Variants in NQO2 observed in about 807,000 individuals in gnomAD.
The protein encoded by NQO2 is N-ribosyldihydronicotinamide:quinone dehydrogenase 2.
A neutral mutation model predicts 22.0 loss-of-function variants in NQO2; 18 were observed. The observed-to-expected ratio is 0.82, with a 90% CI of 0.56 to 1.21. The LOEUF is 1.21. NQO2 is among the 50% of genes most tolerant of loss of function. NQO2 has a pLI of 0.00. For synonymous variants in NQO2, 106 were observed against 110.8 expected (o/e 0.96, Z 0.28); for missense variants, 267 against 286.9 (o/e 0.93, Z 0.50).
intron 2 of NQO2, among the ~76,000 whole-genome samples, chr6:3,007,581 T>C (rs550356779): frequency 5.5e-4 from 84 of 152,322 alleles, no homozygotes; most frequent in African/African-American, 1.8e-3. Flanking sequence ...GTAAATTTAA[T>C]TAAGCAAATC....
At chr6:3,011,075 T>G (rs1757118741) in intron 3 of NQO2, among the ~76,000 whole-genome samples, 1 of 151,836 alleles carries the variant, frequency 6.6e-6, no homozygotes, top group African/African-American at 2.4e-5. Flanking sequence ...GAAACAACAG[T>G]AAACAGGGAA....
chr6:3,016,267 C>T (rs1331877728), intron 5 of NQO2, among the ~76,000 whole-genome samples: 1 of 151,796 alleles, frequency 6.6e-6, no homozygotes, highest in Non-Finnish European at 1.5e-5. Context: ...CCCATCTCTA[C>T]TAAAAATACA....
At chr6:3,011,490 C>G (rs1182129601) in intron 3 of NQO2, among the ~76,000 whole-genome samples, 1 of 152,062 alleles carries the variant, frequency 6.6e-6, no homozygotes, top group Non-Finnish European at 1.5e-5. Flanking sequence ...ATGATTGGTG[C>G]TTAAGAGGAA....
At chr6:3,005,880 C>T (rs1581321009) in intron 1 of NQO2, 1 of 870,346 alleles carries the variant, frequency 1.1e-6, no homozygotes, top group Non-Finnish European at 1.4e-6. Context: ...GGGCCCACAG[C>T]TACAATGGGC....
chr6:3,011,308 C>T (rs2326108), intron 3 of NQO2, among the ~76,000 whole-genome samples: 29,294 of 152,084 alleles, frequency 0.19, 3,007 homozygotes, highest in Non-Finnish European at 0.22. Flanking sequence ...ACTAGAAATA[C>T]ATTTGCTGAA....
At chr6:3,019,352 A>G in intron 6 of NQO2, 127 bp from the exon 7 acceptor site, 1 of 1,421,242 alleles carries the variant, frequency 7.0e-7, no homozygotes, top group Admixed American at 2.5e-5. Flanking sequence ...GTTGCCTGTA[A>G]CATTAAGGTT....
intron 2 of NQO2, chr6:3,007,039 A>T (rs111345172): frequency 2.5e-6 from 1 of 396,184 alleles, no homozygotes; most frequent in Non-Finnish European, 4.4e-6. Flanking sequence ...TAACGATATA[A>T]CATGGAGAGC....
At chr6:3,017,051 C>G in intron 6 of NQO2, 66 bp downstream of exon 6, 1 of 1,554,990 alleles carries the variant, frequency 6.4e-7, no homozygotes, top group Non-Finnish European at 8.7e-7. Flanking sequence ...CACATGCACA[C>G]ATGCATACAC....
intron 1 of NQO2, among the ~76,000 whole-genome samples, chr6:3,002,469 C>T (rs570834462): frequency 1.3e-5 from 2 of 152,150 alleles, no homozygotes; most frequent in South Asian, 2.1e-4. Flanking sequence ...CCACCATACC[C>T]GGATAATTTT....
rs761904146 is a variant in NQO2, at chr6:3,019,705, G to T, written c.*50G>T. The T allele has an allele frequency of 1.4e-5, 20 of 1,454,992 alleles. No homozygotes were observed. Among genetic ancestry groups the T allele is most frequent in the South Asian group, 8.0e-5 (6 of 75,046 alleles). The allele number at this position is 1,454,992 out of a possible 1,614,324, so 90.1% of individuals were successfully genotyped here. On this transcript the variant is annotated 3_prime_UTR_variant, in exon 7 of 7. Transcript: ENST00000380455. Reference sequence around the variant, plus strand: ...AAGCAGCACACTAGGAGGCCCAGGCGCAGGCAAAGAGAAGATGGTGCTGTC... The same window carrying T: ...AAGCAGCACACTAGGAGGCCCAGGCTCAGGCAAAGAGAAGATGGTGCTGTC...
At chr6:3,014,516 C>T (rs1386903056) in intron 4 of NQO2, among the ~76,000 whole-genome samples, 4 of 152,180 alleles carry the variant, frequency 2.6e-5, no homozygotes, top group East Asian at 3.9e-4. Context: ...CTTTCCTCCT[C>T]GCACCCACTC....
intron 5 of NQO2, 59 bp downstream of exon 5, chr6:3,015,702 G>A (rs1296185730): frequency 2.1e-5 from 31 of 1,474,376 alleles, no homozygotes; most frequent in African/African-American, 7.0e-5. Flanking sequence ...CAGAGGATGC[G>A]TCTTCTATCA....
At position 3,010,328 on chromosome 6, in the gene NQO2, G is replaced by T. The variant is rs566511551; in HGVS notation, c.172+139G>T. ...TCCAAAAACAAATAGATAGCACTGG[G>T]ATTATCACCAGCAGTATCCCAGAAG... is the stretch of plus-strand genomic sequence containing the variant. On this transcript the variant is annotated intron_variant, in intron 3 of 6. Coordinates refer to ENST00000380455, the MANE Select transcript of NQO2 (RefSeq NM_000904.6). 4 of 667,060 alleles carry T rather than the reference G, an allele frequency of 6.0e-6. No individual in the cohort carries two copies. The East Asian group carries it at 1.1e-4, about 19-fold the overall frequency. The allele number at this position is 667,060 out of a possible 1,614,324, so 41.3% of individuals were successfully genotyped here.
At position 3,015,366 on chromosome 6, in the gene NQO2, C is replaced by A. The variant is rs574401434; in HGVS notation, c.304-164C>A. 3.0e-6 allele frequency: 3 copies of A among 985,440 alleles called. No homozygotes were observed. In the South Asian group the frequency reaches 1.4e-4, roughly 46 times the overall value. The allele number at this position is 985,440 out of a possible 1,614,324, so 61.0% of individuals were successfully genotyped here. On this transcript the variant is annotated intron_variant, in intron 4 of 6. Coordinates refer to ENST00000380455, the MANE Select transcript of NQO2 (RefSeq NM_000904.6). ...TTGTCAACTCCGTTCCCGTCTGACA[C>A]CCACACTGCACCTTTCAGAGCTGAC...
Position 3,002,060 on chromosome 6 carries a change from A to G in NQO2, c.-86+1975A>G, listed in dbSNP as rs28383597. 196 of 216,532 alleles carry G rather than the reference A, an allele frequency of 9.1e-4. 1 individual carries two copies. The highest frequency in any genetic ancestry group is 4.5e-3 in the African/African-American group (194 of 42,710). 13.4% of individuals were successfully genotyped at this position (216,532 alleles called of 1,614,324 possible). On this transcript the variant is annotated intron_variant, in intron 1 of 6. Coordinates refer to ENST00000380455, the MANE Select transcript of NQO2 (RefSeq NM_000904.6). ...ATTCTTAACCGCTAGGGGGATGGAG[A>G]CAGAAGTCACAAACTCACATGCCAC...
rs766609212 is a variant in NQO2, at chr6:3,006,588, T to G, written c.7+29T>G. Reference sequence around the variant, plus strand: ...ATGATTCACTATTGTGGAGTAAGACTTTTTTTTTTTTGAGATGGGATTTTG... The same window carrying G: ...ATGATTCACTATTGTGGAGTAAGACGTTTTTTTTTTTGAGATGGGATTTTG... On this transcript the variant is annotated intron_variant, in intron 2 of 6. Transcript: ENST00000380455. The surrounding 1 kb of genome is among the most constrained non-coding windows in gnomAD (Gnocchi z 4.0). 1 of 541,936 alleles carries G rather than the reference T, an allele frequency of 1.8e-6. No individual in the cohort carries two copies. Among genetic ancestry groups the G allele is most frequent in the Admixed American group, 4.6e-5 (1 of 21,930 alleles). The allele number at this position is 541,936 out of a possible 1,614,324, so 33.6% of individuals were successfully genotyped here.
chr6:3,015,561 T>C lies in NQO2; in HGVS notation c.335T>C (p.Ile112Thr). The C allele has an allele frequency of 6.2e-7, 1 of 1,614,120 alleles. No individual in the cohort carries two copies. The highest frequency in any genetic ancestry group is 1.3e-5 in the African/African-American group (1 of 75,024). The part of the protein sequence containing the change: ...FPLYWFSVPA[I>T]LKGWMDRVLC... ...CTGTACTGGTTCAGCGTGCCAGCCA[T>C]CCTGAAGGGCTGGATGGATAGGGTG... Residue 112 changes from isoleucine to threonine, a missense_variant, in exon 5 of 7, where the codon ATC becomes ACC. Physicochemically the swap from Ile to Thr is moderately conservative, Grantham distance 89. Coordinates refer to ENST00000380455, the MANE Select transcript of NQO2 (RefSeq NM_000904.6).
At chr6:3,015,874 G>T (rs1259153649) in intron 5 of NQO2, among the ~76,000 whole-genome samples, 1 of 152,184 alleles carries the variant, frequency 6.6e-6, no homozygotes, top group African/African-American at 2.4e-5. Context: ...CATACTACAC[G>T]CATGGCAAAC....
intron 6 of NQO2, 92 bp downstream of exon 6, chr6:3,017,077 C>A: frequency 7.0e-7 from 1 of 1,420,820 alleles, no homozygotes; most frequent in Non-Finnish European, 9.6e-7. Flanking sequence ...CACGCACACA[C>A]ATACATGCCC....
Sources: gnomAD v4.1 joint callset for allele counts (sites outside exome capture counted in the v4.1 genomes callset) on GRCh38, gnomAD v4.1.1 for gene constraint, Gnocchi (gnomAD v3.1) non-coding constraint, MANE v1.5 for transcripts, NCBI Gene and HGNC (gene_info 2026-07-23, HGNC 2026-07-21) for gene names.